Variants in PSG5 observed in about 807,000 individuals in gnomAD.
The protein encoded by PSG5 is pregnancy-specific beta-1-glycoprotein 5.
Under a neutral mutation model 37.7 loss-of-function variants are expected in PSG5, and 53 were observed. The ratio of observed to expected loss-of-function variants is 1.41; its 90% CI spans 1.13 to 1.77. The LOEUF (loss-of-function observed/expected upper bound fraction) is 1.77. Among genes scored for constraint, PSG5 ranks in the 40% most tolerant of loss-of-function variants. The probability of loss-of-function intolerance (pLI) is 0.00; values close to 1 mark genes in which losing one functional copy is unlikely to be tolerated. For synonymous variants in PSG5, 221 were observed against 155.4 expected (o/e 1.42, Z -3.14); for missense variants, 547 against 405.2 (o/e 1.35, Z -3.00).
intron 1 of PSG5, 74 bp from the exon 2 acceptor site, chr19:43,185,221 G>T: frequency 6.8e-7 from 1 of 1,475,562 alleles, no homozygotes; most frequent in South Asian, 1.3e-5. Context: ...CCTGGGTCCT[G>T]AGAAGGTCTC....
intron 2 of PSG5, among the ~76,000 whole-genome samples, chr19:43,184,206 A>G (rs1425664165): frequency 6.6e-6 from 1 of 151,660 alleles, no homozygotes; most frequent in African/African-American, 2.4e-5. Context: ...AGGTGAAGAA[A>G]GCTCTGTCTT....
Position 43,179,785 on chromosome 19 carries a change from T to A in PSG5, c.431-3637A>T, listed in dbSNP as rs187641676. ...TCTCATAGTGACTGACTTGAGCCAG[T>A]GACTTCTAAAGATAGAGCAGAGTCC... On this transcript the variant is annotated intron_variant, in intron 2 of 5. Transcript: ENST00000342951. Among the ~76,000 whole-genome samples, 99 of 151,814 alleles carry A rather than the reference T, an allele frequency of 6.5e-4. 1 individual carries two copies. The highest frequency in any genetic ancestry group is 1.3e-3 in the Non-Finnish European group (86 of 67,930).
intron 1 of PSG5, among the ~76,000 whole-genome samples, chr19:43,185,446 C>G (rs1264233690): frequency 2.9e-5 from 4 of 136,840 alleles, no homozygotes; most frequent in Non-Finnish European, 6.4e-5. Flanking sequence ...CCCCCCCACA[C>G]TGCCCTCAGG....
intron 2 of PSG5, among the ~76,000 whole-genome samples, chr19:43,178,438 A>G (rs895544065): frequency 6.6e-6 from 1 of 151,748 alleles, no homozygotes; most frequent in African/African-American, 2.4e-5. Context: ...CTGTATGGTA[A>G]TAGGTGTATG....
intron 2 of PSG5, among the ~76,000 whole-genome samples, chr19:43,181,203 A>G (rs2122232386): frequency 6.6e-6 from 1 of 151,740 alleles, no homozygotes; most frequent in South Asian, 2.1e-4. Context: ...TGGTCCCCAA[A>G]ACCACCAATA....
chr19:43,174,756 G>A, intron 4 of PSG5: 2 of 1,126,640 alleles, frequency 1.8e-6, no homozygotes, highest in Non-Finnish European at 2.2e-6. Context: ...CAGAGTCTGA[G>A]CTGCTCCTCC....
chr19:43,168,726 C>A (rs533774359), intron 5 of PSG5, among the ~76,000 whole-genome samples: 4 of 151,694 alleles, frequency 2.6e-5, no homozygotes, highest in East Asian at 1.9e-4. Context: ...AAGGTTTAGC[C>A]TCACTTATCC....
intron 4 of PSG5, among the ~76,000 whole-genome samples, chr19:43,171,974 C>A (rs1238178240): frequency 7.5e-6 from 1 of 132,674 alleles, no homozygotes; most frequent in Non-Finnish European, 1.6e-5. Flanking sequence ...GAGAGCCCGT[C>A]CCTCTCTTCA....
intron 1 of PSG5, 58 bp from the exon 2 acceptor site, chr19:43,185,205 T>G: frequency 6.6e-7 from 1 of 1,522,386 alleles, no homozygotes; most frequent in Non-Finnish European, 8.9e-7. Flanking sequence ...GGTGAAAAGA[T>G]GGAGCCCTGG....
chr19:43,178,762 T>G (rs1186018361), intron 2 of PSG5: 4 of 1,603,894 alleles, frequency 2.5e-6, no homozygotes, highest in Middle Eastern at 1.7e-4. Context: ...TGGCCAGCTT[T>G]GATGTCCAGG....
chr19:43,179,658 G>T (rs1465951678), intron 2 of PSG5, among the ~76,000 whole-genome samples: 3 of 151,692 alleles, frequency 2.0e-5, no homozygotes, highest in African/African-American at 7.3e-5. Flanking sequence ...CCTGGGACTG[G>T]GTACTTCAGC....
intron 4 of PSG5, chr19:43,170,530 A>T: frequency 2.3e-6 from 1 of 439,712 alleles, no homozygotes; most frequent in Admixed American, 2.8e-5. Context: ...CAGGGAGCTG[A>T]TTGACAGAAG....
intron 2 of PSG5, among the ~76,000 whole-genome samples, chr19:43,181,076 G>C (rs190851001): frequency 4.6e-5 from 7 of 151,590 alleles, no homozygotes; most frequent in Admixed American, 3.3e-4. Context: ...CCAATGGCTC[G>C]TGTGTCTCCC....
In PSG5 at chr19:43,179,005, G is replaced by A. The variant is rs371108898; in HGVS notation, c.431-2857C>T. 255 of 1,612,758 alleles carry A rather than the reference G, an allele frequency of 1.6e-4. 6 individuals are homozygous for A. The South Asian group carries it at 2.4e-3, about 15-fold the overall frequency. On this transcript the variant is annotated intron_variant, in intron 2 of 5. Transcript: ENST00000342951. ...AAGAGGGTCCTGTTGGTTTTGGACA[G>A]CTGCAACCTGTGAGTCATAGGGAGG...
At position 43,184,933 on chromosome 19, in the gene PSG5, A is replaced by C. The variant is rs562613176; in HGVS notation, c.279T>G (p.Pro93=). The C allele has an allele frequency of 1.6e-4, 250 of 1,612,544 alleles. 9 individuals are homozygous for C. The African/African-American group carries it at 3.2e-3, about 21-fold the overall frequency. The change falls in exon 2 of 6, where the codon CCT becomes CCG. Residue 93 remains proline (P), a synonymous_variant. Coordinates refer to ENST00000342951, the MANE Select transcript of PSG5 (RefSeq NM_002781.4). The part of the protein sequence containing the change: ...VVDGQINIYG[P]AYTGRETVYS... Reference sequence around the variant, plus strand: ...ATACTGTTTCTCGTCCAGTGTATGCAGGCCCATATATATTTATTTGACCGT... The same window carrying C: ...ATACTGTTTCTCGTCCAGTGTATGCCGGCCCATATATATTTATTTGACCGT...
rs752385875 is a variant in PSG5, at chr19:43,178,924, G to C, written c.431-2776C>G. ...GGGTCACTGTGGCTGGCACTCACTG[G>C]GTTCCGTATTTCACATTCATAGGGT... On this transcript the variant is annotated intron_variant, in intron 2 of 5. Transcript: ENST00000342951. The C allele has an allele frequency of 2.1e-5, 34 of 1,612,732 alleles. 1 individual carries two copies. The highest frequency in any genetic ancestry group is 2.7e-5 in the African/African-American group (2 of 74,530).
chr19:43,174,496 C>G lies in PSG5; in HGVS notation c.964+719G>C, dbSNP rs191307919. The G allele has an allele frequency of 5.1e-4, 387 of 762,188 alleles. 7 individuals are homozygous for G. In the African/African-American group the frequency reaches 5.8e-3, roughly 12 times the overall value. The allele number at this position is 762,188 out of a possible 1,614,324, so 47.2% of individuals were successfully genotyped here. On this transcript the variant is annotated intron_variant, in intron 4 of 5. Transcript: ENST00000342951. ...TCACTATCCTCCGTGCTGTGTCCCA[C>G]ATGCTGTGCCCACAACCTCATACAA... is the stretch of plus-strand genomic sequence containing the variant.
At chr19:43,181,383 C>T (rs1969124746) in intron 2 of PSG5, among the ~76,000 whole-genome samples, 1 of 151,698 alleles carries the variant, frequency 6.6e-6, no homozygotes, top group Non-Finnish European at 1.5e-5. Flanking sequence ...TCTATTGACA[C>T]ATCCTCAAGC....
chr19:43,172,456 T>C lies in PSG5; in HGVS notation c.965-2318A>G, dbSNP rs112108285. Among the ~76,000 whole-genome samples the C allele has an allele frequency of 6.5e-3, 993 of 151,724 alleles. 28 individuals carry two copies. The highest frequency in any genetic ancestry group is 0.023 in the African/African-American group (937 of 41,270). On this transcript the variant is annotated intron_variant, in intron 4 of 5. Coordinates refer to ENST00000342951, the MANE Select transcript of PSG5 (RefSeq NM_002781.4). ...AAGGAAGGAGTAAAATTCTTTCTGT[T>C]TACAGATAACTTGAACTTATATGTA...
Sources: allele counts gnomAD v4.1 joint callset (sites outside exome capture counted in the v4.1 genomes callset), GRCh38; gene constraint gnomAD v4.1.1; transcripts MANE v1.5; gene names NCBI Gene and HGNC (gene_info 2026-07-23, HGNC 2026-07-21).